Variants in ARHGEF3 observed in about 807,000 individuals in gnomAD.
ARHGEF3 encodes the protein Rho guanine nucleotide exchange factor 3, also known as 59.8 kDA protein.
Under a neutral mutation model 63.2 loss-of-function variants are expected in ARHGEF3, and 28 were observed. The observed-to-expected ratio is 0.44, with a 90% CI of 0.33 to 0.61. The LOEUF (loss-of-function observed/expected upper bound fraction) is 0.61, where lower values mean the gene tolerates loss of function less well. Ranked by LOEUF, ARHGEF3 falls within the 20% of genes least tolerant of loss-of-function variation. The probability of loss-of-function intolerance (pLI) is 0.03; values close to 1 mark genes in which losing one functional copy is unlikely to be tolerated. For missense variants in ARHGEF3, 533 were observed against 659.3 expected, an observed-to-expected ratio of 0.81 and a Z score of 2.10; for synonymous variants, 266 against 254.2, an observed-to-expected ratio of 1.05 and a Z score of -0.44.
intron 4 of ARHGEF3, among the ~76,000 whole-genome samples, chr3:56,842,123 G>C (rs1408917215): frequency 1.3e-5 from 2 of 152,106 alleles, no homozygotes; most frequent in Non-Finnish European, 2.9e-5. Context: ...GTTAGTTATG[G>C]AGGCAAAATT....
intron 3 of ARHGEF3, among the ~76,000 whole-genome samples, chr3:56,935,655 C>T (rs1246324310): frequency 6.6e-6 from 1 of 152,076 alleles, no homozygotes; most frequent in East Asian, 1.9e-4. Flanking sequence ...TCTGCAGCTT[C>T]ACTCCTGAGC....
chr3:57,068,430 C>A (rs1705689010), intron 1 of ARHGEF3, among the ~76,000 whole-genome samples: 1 of 152,190 alleles, frequency 6.6e-6, no homozygotes, highest in South Asian at 2.1e-4. Context: ...AGAGTCATTG[C>A]ACCTCCCTAA....
intron 4 of ARHGEF3, among the ~76,000 whole-genome samples, chr3:56,839,235 C>T (rs1001548754): frequency 6.6e-6 from 1 of 151,984 alleles, no homozygotes; most frequent in Non-Finnish European, 1.5e-5. Flanking sequence ...TTTGCATACA[C>T]ACATTTTAAA....
chr3:56,852,505 C>T (rs1457055881), intron 4 of ARHGEF3, among the ~76,000 whole-genome samples: 5 of 152,142 alleles, frequency 3.3e-5, no homozygotes, highest in Admixed American at 6.5e-5. Flanking sequence ...CACACACATG[C>T]GTGTACACGT....
At chr3:56,801,004 T>A (rs1482379077) in intron 1 of ARHGEF3, among the ~76,000 whole-genome samples, 1 of 152,244 alleles carries the variant, frequency 6.6e-6, no homozygotes, top group East Asian at 1.9e-4. Flanking sequence ...CTCCTTCACA[T>A]CGCCCGCAAG....
chr3:56,841,515 T>C (rs2039307939), intron 4 of ARHGEF3, among the ~76,000 whole-genome samples: 2 of 152,176 alleles, frequency 1.3e-5, no homozygotes. Context: ...CTGAATAAAC[T>C]TCACTTTTCT....
chr3:57,037,845 A>C (rs1704024692), intron 1 of ARHGEF3, among the ~76,000 whole-genome samples: 1 of 152,188 alleles, frequency 6.6e-6, no homozygotes, highest in African/African-American at 2.4e-5. Flanking sequence ...ACTGCACTCC[A>C]GCCTGGGCGA....
intron 4 of ARHGEF3, among the ~76,000 whole-genome samples, chr3:56,855,442 G>C (rs2039837438): frequency 6.6e-6 from 1 of 152,074 alleles, no homozygotes; most frequent in Admixed American, 6.5e-5. Flanking sequence ...CTAGCACTTT[G>C]GAAGGTTGAG....
At chr3:56,760,228 T>C (rs2035338857) in intron 2 of ARHGEF3, among the ~76,000 whole-genome samples, 1 of 152,244 alleles carries the variant, frequency 6.6e-6, no homozygotes, top group Non-Finnish European at 1.5e-5. Flanking sequence ...TTCAACTTTA[T>C]ATTCCTCAGA....
intron 2 of ARHGEF3, among the ~76,000 whole-genome samples, chr3:56,991,121 C>A (rs1014339739): frequency 6.6e-6 from 1 of 152,134 alleles, no homozygotes; most frequent in Non-Finnish European, 1.5e-5. Context: ...TGGGTAACTG[C>A]CCCATTACCC....
At position 56,822,478 on chromosome 3, in the gene ARHGEF3, T is replaced by A. The variant is rs551942839; in HGVS notation, c.193-48662A>T. Reference sequence around the variant, plus strand: ...CATGCTAAGTTAATGAAAAGCAGGATGAAAACTGTTTATGAGGGCACCTAT... The same window carrying A: ...CATGCTAAGTTAATGAAAAGCAGGAAGAAAACTGTTTATGAGGGCACCTAT... On this transcript the variant is annotated intron_variant, in intron 4 of 12. Transcript: ENST00000338458. Among the ~76,000 whole-genome samples, 6 of 152,282 alleles carry A rather than the reference T, an allele frequency of 3.9e-5. No individual in the cohort carries two copies. The East Asian group carries it at 1.2e-3, about 29-fold the overall frequency.
chr3:57,014,799 G>C (rs1480608312), intron 2 of ARHGEF3, among the ~76,000 whole-genome samples: 1 of 151,810 alleles, frequency 6.6e-6, no homozygotes, highest in Non-Finnish European at 1.5e-5. Context: ...TCCTGCCTCA[G>C]CCTCCTGAGT....
chr3:57,009,225 C>A (rs1006963064), intron 2 of ARHGEF3, among the ~76,000 whole-genome samples: 1 of 152,152 alleles, frequency 6.6e-6, no homozygotes, highest in South Asian at 2.1e-4. Context: ...TTCAGCTGAA[C>A]GCTCAAGAAT....
At chr3:56,771,292 A>C (rs1374585579) in intron 2 of ARHGEF3, among the ~76,000 whole-genome samples, 1 of 152,094 alleles carries the variant, frequency 6.6e-6, no homozygotes, top group Non-Finnish European at 1.5e-5. Flanking sequence ...TAAATTTCTG[A>C]GGTGAGCAAA....
intron 3 of ARHGEF3, among the ~76,000 whole-genome samples, chr3:56,956,778 A>G (rs1359298150): frequency 1.3e-5 from 2 of 152,226 alleles, no homozygotes; most frequent in African/African-American, 4.8e-5. Flanking sequence ...TGGATAGGGC[A>G]AGCACTGAAA....
chr3:56,916,614 G>T, intron 3 of ARHGEF3: 1 of 746,274 alleles, frequency 1.3e-6, no homozygotes, highest in Non-Finnish European at 1.9e-6. Context: ...TTCAGTTTCT[G>T]ACTGACAATC....
At chr3:56,996,887 ATTATTTTTT>A (rs1702012670) in intron 2 of ARHGEF3, among the ~76,000 whole-genome samples, 2 of 102,570 alleles carry the variant, frequency 1.9e-5, no homozygotes, top group Non-Finnish European at 4.4e-5. Flanking sequence ...TATTATTATT[ATTATTTTTT>A]TTTTTTTTTG....
intron 3 of ARHGEF3, among the ~76,000 whole-genome samples, chr3:56,935,677 C>T (rs370090820): frequency 6.6e-6 from 1 of 151,920 alleles, no homozygotes; most frequent in Non-Finnish European, 1.5e-5. Context: ...AGCGAGACCA[C>T]GAACCCACCA....
chr3:56,906,743 G>A (rs2041695438), intron 3 of ARHGEF3, among the ~76,000 whole-genome samples: 2 of 151,500 alleles, frequency 1.3e-5, no homozygotes, highest in Non-Finnish European at 1.5e-5. Flanking sequence ...GGCTGAGGTA[G>A]GAGAATCACT....
Sources: allele counts gnomAD v4.1 joint callset (sites outside exome capture counted in the v4.1 genomes callset), GRCh38; gene constraint gnomAD v4.1.1; transcripts MANE v1.5; gene names NCBI Gene and HGNC (gene_info 2026-07-23, HGNC 2026-07-21).